Variants in DNAH14 observed in about 807,000 individuals in gnomAD.
DNAH14 encodes the protein axonemal beta dynein heavy chain 14.
In DNAH14, 478 loss-of-function variants were observed where a neutral mutation model predicts 520.9. The observed-to-expected ratio is 0.92, with a 90% CI of 0.85 to 0.99. The LOEUF is 0.99. DNAH14 is among the 50% of genes least tolerant of loss of function. The pLI is 0.00. For missense variants in DNAH14, 4,831 were observed against 5,234.5 expected (o/e 0.92, Z 2.38); for synonymous variants, 1,581 against 1,757.2 (o/e 0.90, Z 2.51).
In DNAH14 at chr1:225,360,874, T is replaced by C. The variant is rs533021434; in HGVS notation, c.11970T>C (p.Leu3990=). Residue 3990 remains leucine, a synonymous_variant, in exon 75 of 86, where the codon CTT becomes CTC. Transcript: ENST00000682510. ...TTGCAACATCATTTATGCCAAGGCT[T>C]TGCACAATTGTAGAATCGTAAGAGT... The part of the protein sequence containing the change: ...CHLATSFMPR[L]CTIVESFNSP... 4.5e-6 allele frequency: 7 copies of C among 1,551,692 alleles called. No individual in the cohort carries two copies. The Admixed American group carries it at 1.4e-4, about 30-fold the overall frequency.
At chr1:225,292,404 G>A (rs922662920) in intron 55 of DNAH14, among the ~76,000 whole-genome samples, 3 of 151,992 alleles carry the variant, frequency 2.0e-5, no homozygotes, top group African/African-American at 7.2e-5. Context: ...AAATGAGTTG[G>A]CCATTGATAC....
chr1:225,079,501 G>C lies in DNAH14; in HGVS notation c.2719G>C (p.Ala907Pro), dbSNP rs1226392611. ...AITKFRDNLE[A>P]CISGLHVDVG... ...AACTAAATTCAGAGATAACTTGGAA[G>C]CATGTATCAGTGGTCTACATGTTGA... The change falls in exon 18 of 86, where the codon GCA (alanine) becomes CCA (proline). Residue 907 changes from alanine to proline, a missense_variant. Ala to Pro is a conservative substitution (Grantham distance 27). Transcript: ENST00000682510. The C allele has an allele frequency of 2.6e-6, 4 of 1,540,448 alleles. No individual in the cohort carries two copies. In the South Asian group the frequency reaches 4.9e-5, roughly 19 times the overall value.
intron 72 of DNAH14, among the ~76,000 whole-genome samples, chr1:225,353,451 A>G (rs2095393858): frequency 6.6e-6 from 1 of 152,196 alleles, no homozygotes; most frequent in South Asian, 2.1e-4. Flanking sequence ...TACATTCATC[A>G]GAAAAACACC....
At chr1:225,176,879 T>A (rs551474073) in intron 36 of DNAH14, among the ~76,000 whole-genome samples, 29 of 152,290 alleles carry the variant, frequency 1.9e-4, no homozygotes, top group Admixed American at 5.9e-4. Flanking sequence ...ATCAGCAGTA[T>A]GAAAACAGAC....
chr1:225,364,333 A>G (rs1007910314), intron 75 of DNAH14, among the ~76,000 whole-genome samples: 3 of 152,096 alleles, frequency 2.0e-5, no homozygotes, highest in Non-Finnish European at 2.9e-5. Context: ...TAACTCCACA[A>G]CTTCTTCTAA....
At chr1:225,171,496 A>G (rs2082660015) in intron 36 of DNAH14, among the ~76,000 whole-genome samples, 2 of 152,234 alleles carry the variant, frequency 1.3e-5, no homozygotes, top group Non-Finnish European at 2.9e-5. Context: ...AAACACCTCT[A>G]TGCAAATAAC....
chr1:225,262,305 T>C (rs2092962338), intron 46 of DNAH14, among the ~76,000 whole-genome samples: 1 of 152,122 alleles, frequency 6.6e-6, no homozygotes, highest in Non-Finnish European at 1.5e-5. Flanking sequence ...CTGTGTACTC[T>C]GTTTATTATT....
chr1:225,299,049 C>G (rs1451539400), intron 55 of DNAH14, among the ~76,000 whole-genome samples: 1 of 152,236 alleles, frequency 6.6e-6, no homozygotes, highest in Admixed American at 6.5e-5. Context: ...CATTGACACT[C>G]TAGTCAAATC....
At position 225,186,204 on chromosome 1, in the gene DNAH14, G is replaced by A. The variant is rs1326585493; in HGVS notation, c.5670+779G>A. 3.3e-5 allele frequency among the ~76,000 whole-genome samples: 5 copies of A among 151,520 alleles called. No individual in the cohort carries two copies. In the East Asian group the frequency reaches 7.7e-4, roughly 23 times the overall value. ...CATATTCCAAAAATTTACAAATTCAGATTCTTGGTTATGTGGATTTTTTTT... is the reference window on the plus strand; with the variant it reads ...CATATTCCAAAAATTTACAAATTCAAATTCTTGGTTATGTGGATTTTTTTT... On this transcript the variant is annotated intron_variant, in intron 37 of 85. Coordinates refer to ENST00000682510, the MANE Select transcript of DNAH14 (RefSeq NM_001367479.1).
chr1:225,198,967 A>G (rs4653616), intron 38 of DNAH14, among the ~76,000 whole-genome samples: 23,458 of 152,070 alleles, frequency 0.15, 2,119 homozygotes, highest in East Asian at 0.36. Flanking sequence ...GAATCTGTCT[A>G]GTCCTGGACT....
In DNAH14 at chr1:224,994,693, T is replaced by A. The variant is rs141727120; in HGVS notation, c.831-8090T>A. 3.0e-4 allele frequency among the ~76,000 whole-genome samples: 46 copies of A among 152,208 alleles called. No individual in the cohort carries two copies. In the East Asian group the frequency reaches 3.9e-3, roughly 13 times the overall value. ...AAGGTAATTATGGACAGGTAAGGACTTAACAACTGCTGTTTTGTTCATTGT... is the reference window on the plus strand; with the variant it reads ...AAGGTAATTATGGACAGGTAAGGACATAACAACTGCTGTTTTGTTCATTGT... On this transcript the variant is annotated intron_variant, in intron 8 of 85. Transcript: ENST00000682510.
In DNAH14 at chr1:225,228,609, G is replaced by C. The variant is rs531345938; in HGVS notation, c.6440-2464G>C. Among the ~76,000 whole-genome samples the C allele has an allele frequency of 1.8e-4, 28 of 152,008 alleles. No homozygotes were observed. In the East Asian group the frequency reaches 5.0e-3, roughly 27 times the overall value. On this transcript the variant is annotated intron_variant, in intron 41 of 85. Coordinates refer to ENST00000682510, the MANE Select transcript of DNAH14 (RefSeq NM_001367479.1). ...CTCCTGGATAGACCCCCCACTCCTGGGGGGGGTCACTTCTTGATTGGAAAA... is the reference window on the plus strand; with the variant it reads ...CTCCTGGATAGACCCCCCACTCCTGCGGGGGGTCACTTCTTGATTGGAAAA...
intron 10 of DNAH14, among the ~76,000 whole-genome samples, chr1:225,022,513 A>G (rs891541209): frequency 6.6e-6 from 1 of 152,164 alleles, no homozygotes; most frequent in Admixed American, 6.6e-5. Context: ...ATGACCACCA[A>G]TCATTAGAGA....
intron 22 of DNAH14, among the ~76,000 whole-genome samples, chr1:225,099,269 C>G (rs773598344): frequency 2.2e-4 from 34 of 152,102 alleles, no homozygotes; most frequent in Non-Finnish European, 4.4e-4. Context: ...ATGTATTTCC[C>G]TAGAGTGTAG....
chr1:225,394,262 A>C (rs1162130396), intron 84 of DNAH14, among the ~76,000 whole-genome samples: 1 of 152,064 alleles, frequency 6.6e-6, no homozygotes, highest in Non-Finnish European at 1.5e-5. Flanking sequence ...TGTCGTATTG[A>C]TTTATAGAAG....
At chr1:225,181,377 A>C (rs2083978344) in intron 36 of DNAH14, among the ~76,000 whole-genome samples, 1 of 152,094 alleles carries the variant, frequency 6.6e-6, no homozygotes, top group Admixed American at 6.5e-5. Context: ...TGGTAGTTCT[A>C]TTTTTAGTTC....
intron 36 of DNAH14, among the ~76,000 whole-genome samples, chr1:225,174,651 G>A (rs2083116765): frequency 1.3e-5 from 2 of 149,364 alleles, no homozygotes; most frequent in Non-Finnish European, 3.0e-5. Flanking sequence ...TTTCTAATTT[G>A]GATGTCTTTT....
chr1:225,252,539 A>G, intron 44 of DNAH14, 122 bp downstream of exon 44: 1 of 590,048 alleles, frequency 1.7e-6, no homozygotes, highest in Non-Finnish European at 2.9e-6. Flanking sequence ...GAGGACTAAT[A>G]TGTTTGTGTA....
At chr1:225,179,516 C>T (rs1415260864) in intron 36 of DNAH14, among the ~76,000 whole-genome samples, 1 of 152,140 alleles carries the variant, frequency 6.6e-6, no homozygotes, top group Non-Finnish European at 1.5e-5. Context: ...CTCCATCTTC[C>T]CCACCTTCCA....
Sources: allele counts gnomAD v4.1 joint callset (sites outside exome capture counted in the v4.1 genomes callset), GRCh38; gene constraint gnomAD v4.1.1; transcripts MANE v1.5; gene names NCBI Gene and HGNC (gene_info 2026-07-23, HGNC 2026-07-21).